Variants in OXR1 observed in about 807,000 individuals in gnomAD.
OXR1 encodes the protein oxidation resistance 1.
Under a neutral mutation model 104.6 loss-of-function variants are expected in OXR1, and 41 were observed. That is an observed-to-expected ratio of 0.39 (90% CI 0.31 to 0.51). The LOEUF (loss-of-function observed/expected upper bound fraction) is 0.51, where lower values mean the gene tolerates loss of function less well. Among genes scored for constraint, OXR1 ranks in the 20% least tolerant of loss-of-function variants. OXR1 has a pLI of 0.77. For missense variants in OXR1, 955 were observed against 1,031.9 expected (o/e 0.93, Z 1.02); for synonymous variants, 348 against 348.4 (o/e 1.00, Z 0.01).
At chr8:106,348,735 C>A (rs886803782) in intron 1 of OXR1, among the ~76,000 whole-genome samples, 1 of 152,016 alleles carries the variant, frequency 6.6e-6, no homozygotes, top group Admixed American at 6.6e-5. Flanking sequence ...GAGTTTTGAA[C>A]CGAGAATTCT....
intron 2 of OXR1, among the ~76,000 whole-genome samples, chr8:106,475,572 T>C (rs1361222516): frequency 2.0e-5 from 3 of 151,932 alleles, no homozygotes; most frequent in Admixed American, 6.6e-5. Flanking sequence ...ACTTTTTCAG[T>C]CTCTAAAAAT....
intron 3 of OXR1, among the ~76,000 whole-genome samples, chr8:106,654,816 A>C (rs898618554): frequency 6.6e-6 from 1 of 152,154 alleles, no homozygotes; most frequent in Non-Finnish European, 1.5e-5. Context: ...TTCTATGTAT[A>C]TATGTGAAAT....
intron 2 of OXR1, among the ~76,000 whole-genome samples, chr8:106,368,936 C>T (rs1816598028): frequency 6.6e-6 from 1 of 152,144 alleles, no homozygotes; most frequent in East Asian, 1.9e-4. Flanking sequence ...ATTGCTGGGT[C>T]AAATGGTATT....
intron 1 of OXR1, among the ~76,000 whole-genome samples, chr8:106,322,227 T>C (rs1307885349): frequency 6.6e-6 from 1 of 152,234 alleles, no homozygotes; most frequent in Non-Finnish European, 1.5e-5. Context: ...GTCCCTGGGA[T>C]GCAAGGTTGG....
At chr8:106,686,949 T>C (rs1463772402) in intron 6 of OXR1, among the ~76,000 whole-genome samples, 1 of 152,212 alleles carries the variant, frequency 6.6e-6, no homozygotes, top group African/African-American at 2.4e-5. Context: ...AAATGTAGTA[T>C]TGCAACAGGT....
chr8:106,418,655 A>G (rs1407946289), intron 2 of OXR1, among the ~76,000 whole-genome samples: 1 of 152,152 alleles, frequency 6.6e-6, no homozygotes, highest in Non-Finnish European at 1.5e-5. Context: ...TTATTTATTT[A>G]CCGAAGAGGA....
chr8:106,481,437 A>G (rs1320263496), intron 2 of OXR1, among the ~76,000 whole-genome samples: 3 of 152,054 alleles, frequency 2.0e-5, no homozygotes, highest in Non-Finnish European at 2.9e-5. Flanking sequence ...ACATAAGAAA[A>G]CTTTCTAAGG....
chr8:106,531,000 T>C (rs925543205), intron 3 of OXR1, among the ~76,000 whole-genome samples: 1 of 152,194 alleles, frequency 6.6e-6, no homozygotes, highest in Non-Finnish European at 1.5e-5. Flanking sequence ...TTATTTTATG[T>C]TACCATATAT....
At chr8:106,581,950 G>A (rs1445491425) in intron 3 of OXR1, among the ~76,000 whole-genome samples, 2 of 149,172 alleles carry the variant, frequency 1.3e-5, no homozygotes, top group Non-Finnish European at 3.0e-5. Flanking sequence ...CTTGAACGTG[G>A]GAGGTGGAGG....
chr8:106,594,925 CAGCTCTTGTTT>C (rs1399429331), intron 3 of OXR1, among the ~76,000 whole-genome samples: 1 of 149,186 alleles, frequency 6.7e-6, no homozygotes, highest in African/African-American at 2.4e-5. Flanking sequence ...ATGAAAGAGG[CAGCTCTTGTTT>C]AGCTCTGTTA....
intron 1 of OXR1, among the ~76,000 whole-genome samples, chr8:106,287,022 T>C (rs1319605843): frequency 6.6e-6 from 1 of 152,186 alleles, no homozygotes; most frequent in African/African-American, 2.4e-5. Flanking sequence ...TCATTCCATT[T>C]GGTATCGTAG....
intron 3 of OXR1, among the ~76,000 whole-genome samples, chr8:106,649,273 T>A (rs1288741300): frequency 6.6e-6 from 1 of 152,022 alleles, no homozygotes; most frequent in East Asian, 1.9e-4. Context: ...GTGGGTTTTT[T>A]TTTTAAAGAA....
chr8:106,279,768 T>C (rs569557071), intron 1 of OXR1, among the ~76,000 whole-genome samples: 1 of 152,314 alleles, frequency 6.6e-6, no homozygotes, highest in African/African-American at 2.4e-5. Context: ...AAAGTTATGA[T>C]GTTGTAACTT....
intron 1 of OXR1, among the ~76,000 whole-genome samples, chr8:106,353,967 C>T (rs1815850897): frequency 6.6e-6 from 1 of 152,090 alleles, no homozygotes; most frequent in Non-Finnish European, 1.5e-5. Context: ...TTGTAGATCT[C>T]ACATATGACT....
At chr8:106,341,377 A>G (rs1815239546) in intron 1 of OXR1, among the ~76,000 whole-genome samples, 1 of 145,730 alleles carries the variant, frequency 6.9e-6, no homozygotes, top group Non-Finnish European at 1.5e-5. Context: ...CATTTATTCA[A>G]TTAGTCAATC....
intron 3 of OXR1, among the ~76,000 whole-genome samples, chr8:106,608,889 C>A (rs1820601443): frequency 6.6e-6 from 1 of 152,150 alleles, no homozygotes; most frequent in Non-Finnish European, 1.5e-5. Context: ...TTAGTGACAA[C>A]ATTGTGAATT....
intron 3 of OXR1, chr8:106,656,016 A>C (rs1346861711): frequency 6.6e-6 from 1 of 152,236 alleles, no homozygotes; most frequent in Non-Finnish European, 1.5e-5. Context: ...CAAACCGGTA[A>C]ATTTTTAGAA....
chr8:106,575,493 T>G (rs575460787), intron 3 of OXR1, among the ~76,000 whole-genome samples: 1 of 152,218 alleles, frequency 6.6e-6, no homozygotes, highest in African/African-American at 2.4e-5. Flanking sequence ...GTACCAGCAA[T>G]GTTACCATGA....
intron 1 of OXR1, among the ~76,000 whole-genome samples, chr8:106,284,949 A>ATAGG (rs1194608609): frequency 6.6e-6 from 1 of 152,214 alleles, no homozygotes; most frequent in African/African-American, 2.4e-5. Flanking sequence ...ATAGTCCCTT[A>ATAGG]TAGGGATGGT....
Sources: allele counts gnomAD v4.1 joint callset (sites outside exome capture counted in the v4.1 genomes callset), GRCh38; gene constraint gnomAD v4.1.1; transcripts MANE v1.5; gene names NCBI Gene and HGNC (gene_info 2026-07-23, HGNC 2026-07-21).